BLNK: variants seen among roughly 807,000 people sequenced by gnomAD.
The protein encoded by BLNK is B cell linker.
Under a neutral mutation model 73.5 loss-of-function variants are expected in BLNK, and 29 were observed. The observed-to-expected ratio is 0.39, with a 90% CI of 0.29 to 0.54. BLNK has a LOEUF of 0.54. Ranked by LOEUF, BLNK falls within the 20% of genes least tolerant of loss-of-function variation. The pLI, the probability that BLNK is intolerant of heterozygous loss-of-function variation, is 0.61. For missense variants in BLNK, 460 were observed against 562.8 expected (o/e 0.82, Z 1.85); for synonymous variants, 176 against 200.8 (o/e 0.88, Z 1.04).
At chr10:96,208,846 C>A (rs112066637) in intron 9 of BLNK, among the ~76,000 whole-genome samples, 3 of 152,054 alleles carry the variant, frequency 2.0e-5, no homozygotes, top group Admixed American at 2.0e-4. Context: ...CTCAGAGAGA[C>A]GAAGTAGTTT....
chr10:96,192,612 T>A (rs587758596), intron 16 of BLNK, among the ~76,000 whole-genome samples: 1 of 152,320 alleles, frequency 6.6e-6, no homozygotes, highest in Admixed American at 6.5e-5. Flanking sequence ...TTTACTTGGT[T>A]CCTGGTAAGC....
rs1554903834 is a variant in BLNK, at chr10:96,230,869, G to A, written c.164-35C>T. The A allele has an allele frequency of 3.1e-6, 5 of 1,605,556 alleles. No individual in the cohort carries two copies. In the South Asian group the frequency reaches 3.4e-5, roughly 11 times the overall value. The stretch of plus-strand genomic sequence containing the variant: ...CAGGGGAGAAGCAGAAGGCACAAGT[G>A]TGAGCCTCAGCTGGCCAGCCCCAGC... On this transcript the variant is annotated intron_variant, in intron 3 of 16. Coordinates refer to ENST00000224337, the MANE Select transcript of BLNK (RefSeq NM_013314.4).
chr10:96,267,573 A>G (rs1007659803), intron 1 of BLNK, among the ~76,000 whole-genome samples: 2 of 152,218 alleles, frequency 1.3e-5, no homozygotes, highest in Admixed American at 1.3e-4. Context: ...CTCAGAATCC[A>G]TTAGAAAAGG....
intron 9 of BLNK, 76 bp downstream of exon 9, chr10:96,209,762 A>C (rs1184295367): frequency 6.4e-7 from 1 of 1,553,256 alleles, no homozygotes; most frequent in Admixed American, 1.7e-5. Flanking sequence ...ACTTCTAATG[A>C]AGTCAACAGG....
At chr10:96,224,860 G>A (rs1176605884) in intron 5 of BLNK, among the ~76,000 whole-genome samples, 1 of 152,020 alleles carries the variant, frequency 6.6e-6, no homozygotes, top group Non-Finnish European at 1.5e-5. Flanking sequence ...ACCATGCCTG[G>A]CTAATTTTTG....
intron 9 of BLNK, among the ~76,000 whole-genome samples, chr10:96,208,996 A>C (rs1423037662): frequency 2.0e-5 from 3 of 152,232 alleles, no homozygotes; most frequent in Non-Finnish European, 4.4e-5. Flanking sequence ...ACATATTTAA[A>C]TTTGCTTTCC....
chr10:96,228,281 C>A (rs1052448614), intron 4 of BLNK, among the ~76,000 whole-genome samples: 3 of 150,836 alleles, frequency 2.0e-5, no homozygotes, highest in Non-Finnish European at 4.4e-5. Context: ...TTTTTGAAAC[C>A]GAGTCTTGCT....
At chr10:96,267,026 A>G (rs797032809) in intron 1 of BLNK, among the ~76,000 whole-genome samples, 9 of 152,372 alleles carry the variant, frequency 5.9e-5, no homozygotes, top group African/African-American at 1.9e-4. Flanking sequence ...GGCTTCAGCT[A>G]GTAACTGGCC....
intron 1 of BLNK, among the ~76,000 whole-genome samples, chr10:96,269,424 A>AC (rs1359596714): frequency 5.9e-5 from 9 of 151,556 alleles, no homozygotes; most frequent in Non-Finnish European, 1.0e-4. Flanking sequence ...CTGAAAACAA[A>AC]AAAAAAAAAA....
At chr10:96,192,262 C>G in intron 16 of BLNK, among the ~76,000 whole-genome samples, 170 bp from the exon 17 acceptor site, 1 of 152,130 alleles carries the variant, frequency 6.6e-6, no homozygotes, top group East Asian at 1.9e-4. Flanking sequence ...AGGTGGCAGA[C>G]CTTGGACTTT....
intron 3 of BLNK, among the ~76,000 whole-genome samples, chr10:96,232,931 C>G (rs1224212962): frequency 6.6e-6 from 1 of 151,798 alleles, no homozygotes; most frequent in East Asian, 1.9e-4. Flanking sequence ...CCTGCTACCT[C>G]AGCCTCCTGA....
chr10:96,261,995 C>A (rs971178128), intron 1 of BLNK, among the ~76,000 whole-genome samples: 9 of 152,174 alleles, frequency 5.9e-5, no homozygotes, highest in African/African-American at 1.4e-4. Flanking sequence ...ACTCCAAGCA[C>A]CCTTGGTCAT....
intron 2 of BLNK, among the ~76,000 whole-genome samples, chr10:96,246,535 A>G (rs1289290810): frequency 1.3e-5 from 2 of 152,222 alleles, no homozygotes; most frequent in Non-Finnish European, 2.9e-5. Context: ...CTGGGCAACA[A>G]GAGCGAAACT....
chr10:96,250,191 GA>G (rs1263185763), intron 1 of BLNK, among the ~76,000 whole-genome samples: 1 of 152,182 alleles, frequency 6.6e-6, no homozygotes, highest in Non-Finnish European at 1.5e-5. Flanking sequence ...GTAGCAAAGA[GA>G]AAAGGATGGT....
In BLNK at chr10:96,240,302, G is replaced by T. The variant is rs587617582; in HGVS notation, c.163+2433C>A. Among the ~76,000 whole-genome samples, 355 of 152,352 alleles carry T rather than the reference G, an allele frequency of 2.3e-3. 1 individual carries two copies. The highest frequency in any genetic ancestry group is 4.4e-3 in the Non-Finnish European group (301 of 68,040). On this transcript the variant is annotated intron_variant, in intron 3 of 16. Transcript: ENST00000224337. ...ACACGTGTTGAATGAATCAGAAAAT[G>T]TGCGAAACAGCTGAAGCACCTGGAG... is the stretch of plus-strand genomic sequence containing the variant.
At chr10:96,250,698 G>A (rs567755103) in intron 1 of BLNK, among the ~76,000 whole-genome samples, 24 of 152,276 alleles carry the variant, frequency 1.6e-4, no homozygotes, top group African/African-American at 5.8e-4. Flanking sequence ...ATTTTGCTGT[G>A]GATGTAAATA....
Position 96,227,462 on chromosome 10 carries a change from C to G in BLNK, c.309G>C (p.Gln103His), listed in dbSNP as rs377639039. Residue 103 changes from glutamine to histidine, a missense_variant, in exon 5 of 17, where the codon CAG becomes CAC. Physicochemically the swap from Gln to His is conservative, Grantham distance 24. This residue lies in a region of BLNK where 139 missense variants were observed against 187.3 expected (regional missense o/e 0.74). Transcript: ENST00000224337. Reference protein sequence around the residue: ...DDSYEPPPVEQETRPVHPALP... With the variant: ...DDSYEPPPVEHETRPVHPALP... ...GGGCTGGGTGAACCGGCCTGGTTTC[C>G]TGCTCTACTGGAGGCGGCTCGTAGC... is the stretch of plus-strand genomic sequence containing the variant. The G allele has an allele frequency of 3.1e-6, 5 of 1,614,128 alleles. No homozygotes were observed. The highest frequency in any genetic ancestry group is 4.2e-6 in the Non-Finnish European group (5 of 1,180,068).
intron 11 of BLNK, chr10:96,205,153 T>C (rs1469156813): frequency 6.3e-6 from 1 of 159,752 alleles, no homozygotes; most frequent in Non-Finnish European, 1.4e-5. Context: ...TAAATCTCAC[T>C]TGCATTTCAG....
At chr10:96,235,520 A>G in intron 3 of BLNK, among the ~76,000 whole-genome samples, 1 of 151,918 alleles carries the variant, frequency 6.6e-6, no homozygotes, top group East Asian at 1.9e-4. Context: ...CACACTTCAT[A>G]ATACAAATAA....
Sources: gnomAD v4.1 joint callset for allele counts (sites outside exome capture counted in the v4.1 genomes callset) on GRCh38, gnomAD v4.1.1 for gene constraint, gnomAD v4.1.1 regional missense constraint, MANE v1.5 for transcripts, NCBI Gene and HGNC (gene_info 2026-07-23, HGNC 2026-07-21) for gene names.